Variants in KNDC1 observed in about 807,000 individuals in gnomAD.
KNDC1 encodes kinase non-catalytic C-lobe domain-containing protein 1.
In KNDC1, 106 loss-of-function variants were observed where a neutral mutation model predicts 172.8. The observed-to-expected ratio is 0.61, with a 90% CI of 0.52 to 0.72. The LOEUF (loss-of-function observed/expected upper bound fraction) is 0.72. Ranked by LOEUF, KNDC1 falls within the 30% of genes least tolerant of loss-of-function variation. KNDC1 has a pLI of 0.00. For synonymous variants in KNDC1, 1,083 were observed against 1,062.2 expected, an observed-to-expected ratio of 1.02 and a Z score of -0.38; for missense variants, 2,325 against 2,394.5, an observed-to-expected ratio of 0.97 and a Z score of 0.61.
intron 3 of KNDC1, chr10:133,179,429 C>T (rs72859872): frequency 0.044 from 6,632 of 152,298 alleles, 203 homozygotes; most frequent in Middle Eastern, 0.065. Flanking sequence ...GAATTGCTTC[C>T]CAGGGCCACG....
chr10:133,200,270 C>A, intron 15 of KNDC1, 105 bp from the exon 16 acceptor site: 1 of 808,188 alleles, frequency 1.2e-6, no homozygotes, highest in Non-Finnish European at 1.8e-6. Context: ...CCGCCTCCAG[C>A]GAGAGCTCCG....
chr10:133,182,428 C>T (rs1416161810), intron 3 of KNDC1, among the ~76,000 whole-genome samples: 1 of 143,318 alleles, frequency 7.0e-6, no homozygotes, highest in East Asian at 1.9e-4. Flanking sequence ...GGTGCGGGGG[C>T]AGAGCAGGCC....
chr10:133,210,527 C>T (rs923778858), intron 20 of KNDC1, 84 bp from the exon 21 acceptor site: 10 of 807,238 alleles, frequency 1.2e-5, no homozygotes, highest in Non-Finnish European at 2.0e-5. Flanking sequence ...CACACACATA[C>T]AGTCACACCC....
At position 133,211,742 on chromosome 10, in the gene KNDC1, C is replaced by T. The variant is rs1419517015; in HGVS notation, c.4120C>T (p.Arg1374Trp). 5.0e-6 allele frequency: 8 copies of T among 1,609,498 alleles called. No homozygotes were observed. The highest frequency in any genetic ancestry group is 6.8e-6 in the Non-Finnish European group (8 of 1,178,634). The change falls in exon 23 of 30, where the codon CGG becomes TGG. Residue 1374 changes from arginine (R) to tryptophan (W), a missense_variant. Coordinates refer to ENST00000304613, the MANE Select transcript of KNDC1 (RefSeq NM_152643.8). ...CCTCCTGGAGGTGGGCATGGACCGG[C>T]GGGCCGAGGGCAACCCTCGCGGCAC... ...LGLLEVGMDR[R>W]AEGNPRGTDL...
At position 133,167,590 on chromosome 10, in the gene KNDC1, G is replaced by A. The variant is rs771765519; in HGVS notation, c.301+11G>A. The A allele has an allele frequency of 1.4e-5, 22 of 1,566,462 alleles. No homozygotes were observed. The highest frequency in any genetic ancestry group is 4.1e-5 in the African/African-American group (3 of 72,966). On this transcript the variant is annotated intron_variant, in intron 2 of 29. Coordinates refer to ENST00000304613, the MANE Select transcript of KNDC1 (RefSeq NM_152643.8). ...TGGAGCAGCTCAGCGGTGAGGCGGC[G>A]GTGGCGGTGGCGGCGGCGGCGGGCA...
Position 133,186,377 on chromosome 10 carries a change from G to A in KNDC1, c.1029G>A (p.Lys343=), listed in dbSNP as rs1403711673. The A allele has an allele frequency of 1.2e-6, 2 of 1,612,770 alleles. No individual in the cohort carries two copies. Among genetic ancestry groups the A allele is most frequent in the Non-Finnish European group, 8.5e-7 (1 of 1,179,968 alleles). ...AATTATTCTCTCCGGACCCCAGGAA[G>A]GCCTTTCTGGACAGGAAAAATGGCC... is the stretch of plus-strand genomic sequence containing the variant. ...ISELFSPDPR[K]AFLDRKNGLS... is the part of the protein sequence containing the mutation. The change falls in exon 6 of 30, where the codon AAG becomes AAA. Residue 343 remains lysine (K), a synonymous_variant. Coordinates refer to ENST00000304613, the MANE Select transcript of KNDC1 (RefSeq NM_152643.8).
At chr10:133,207,733 G>A (rs1845244141) in intron 20 of KNDC1, among the ~76,000 whole-genome samples, 1 of 152,266 alleles carries the variant, frequency 6.6e-6, no homozygotes, top group Non-Finnish European at 1.5e-5. Flanking sequence ...TTAGCTCCAG[G>A]GACGGGTGAG....
intron 4 of KNDC1, 46 bp from the exon 5 acceptor site, chr10:133,183,826 T>C (rs1260456222): frequency 2.8e-6 from 4 of 1,423,300 alleles, no homozygotes; most frequent in Non-Finnish European, 3.8e-6. Flanking sequence ...CTGCGGGAGA[T>C]GGCCCCTCCT....
intron 23 of KNDC1, 89 bp from the exon 24 acceptor site, chr10:133,212,626 TG>T: frequency 8.9e-7 from 1 of 1,123,280 alleles, no homozygotes; most frequent in Non-Finnish European, 1.3e-6. Context: ...GCACCTGGCC[TG>T]GTCCTCACCC....
At chr10:133,172,964 C>T (rs991429494) in intron 3 of KNDC1, among the ~76,000 whole-genome samples, 2 of 152,212 alleles carry the variant, frequency 1.3e-5, no homozygotes, top group Non-Finnish European at 2.9e-5. Context: ...GATTACCCCA[C>T]TGCACTCCAG....
chr10:133,184,323 C>A lies in KNDC1; in HGVS notation c.625+334C>A, dbSNP rs112778082. Among the ~76,000 whole-genome samples the A allele has an allele frequency of 2.1e-3, 303 of 147,364 alleles. 17 individuals carry two copies. The highest frequency in any genetic ancestry group is 5.9e-3 in the African/African-American group (238 of 40,308). On this transcript the variant is annotated intron_variant, in intron 5 of 29. Transcript: ENST00000304613. The stretch of plus-strand genomic sequence containing the variant: ...ATGCACACACTGCACAACCCATGCA[C>A]ACACACCTATGCACATGTGCTGCAC...
chr10:133,200,402 C>T lies in KNDC1; in HGVS notation c.2931C>T (p.Leu977=), dbSNP rs571997275. The T allele has an allele frequency of 2.2e-5, 35 of 1,597,408 alleles. No individual in the cohort carries two copies. The highest frequency in any genetic ancestry group is 1.7e-4 in the Middle Eastern group (1 of 6,044). The change falls in exon 16 of 30, where the codon CTC becomes CTT. Residue 977 remains leucine (L), a synonymous_variant. Transcript: ENST00000304613. ...PSTAEEAGSQ[L]EGSQSPRSPS... ...CGGCCGAGGAGGCTGGGTCACAGCTCGAGGGCAGCCAAAGCCCCCGCTCCC... is the reference window on the plus strand; with the variant it reads ...CGGCCGAGGAGGCTGGGTCACAGCTTGAGGGCAGCCAAAGCCCCCGCTCCC...
intron 10 of KNDC1, among the ~76,000 whole-genome samples, chr10:133,196,105 C>G (rs1854184165): frequency 1.3e-5 from 2 of 152,206 alleles, no homozygotes; most frequent in African/African-American, 4.8e-5. Context: ...TCCAGCTTGT[C>G]CAAGAGGCCA....
chr10:133,219,993 G>C lies in KNDC1; in HGVS notation c.4899G>C (p.Gly1633=), dbSNP rs1261167036. ...LKSDSLCLME[G]RRFRAQPTLP... ...GCGACAGCCTGTGTCTGATGGAAGG[G>C]CGGCGCTTCCGGGCGCAGCCCACCC... is the stretch of plus-strand genomic sequence containing the variant. The change falls in exon 29 of 30, where the codon GGG becomes GGC. Residue 1633 remains glycine, a synonymous_variant. Coordinates refer to ENST00000304613, the MANE Select transcript of KNDC1 (RefSeq NM_152643.8). The C allele has an allele frequency of 3.2e-6, 5 of 1,553,352 alleles. No homozygotes were observed.
At chr10:133,175,905 GATGGATGGATGGGTGGGTGAATGC>G (rs1181381014) in intron 3 of KNDC1, among the ~76,000 whole-genome samples, 7 of 150,372 alleles carry the variant, frequency 4.7e-5, no homozygotes, top group African/African-American at 7.3e-5. Flanking sequence ...TGGGTGGATG[GATGGATGGATGGGTGGGTGAATGC>G]ATGGATGGAT....
In KNDC1 at chr10:133,224,776, C is replaced by G. The variant is rs144934475; in HGVS notation, c.5136C>G (p.Ala1712=). The G allele has an allele frequency of 6.2e-7, 1 of 1,614,048 alleles. No homozygotes were observed. Among genetic ancestry groups the G allele is most frequent in the Admixed American group, 1.7e-5 (1 of 60,018 alleles). ...LKQRIARFSG[A]DISTLAADSR... ...AGAGGATTGCCCGCTTCAGCGGTGC[C>G]GACATTTCCACACTCGCCGCAGATA... Residue 1712 remains alanine (A), a synonymous_variant, in exon 30 of 30, where the codon GCC becomes GCG. Transcript: ENST00000304613. This position sits in a 1 kb window ranked among gnomAD's most constrained non-coding sequence, Gnocchi z 5.4.
rs373183366 is a variant in KNDC1, at chr10:133,214,075, G to A, written c.4630G>A (p.Val1544Ile). 1.2e-4 allele frequency: 196 copies of A among 1,614,194 alleles called. No individual in the cohort carries two copies. In the East Asian group the frequency reaches 3.2e-3, roughly 26 times the overall value. Residue 1544 changes from valine (V) to isoleucine (I), a missense_variant, in exon 26 of 30, where the codon GTC becomes ATC. Coordinates refer to ENST00000304613, the MANE Select transcript of KNDC1 (RefSeq NM_152643.8). ...LLQLLRNADD[V>I]STWVAAEIVT... The stretch of plus-strand genomic sequence containing the variant: ...ACAGCTTCTAAGAAACGCAGATGAC[G>A]TCAGCACCTGGGTGGCTGCAGAGAT...
chr10:133,163,288 C>A lies in KNDC1; in HGVS notation c.102+2719C>A, dbSNP rs1464225389. Reference sequence around the variant, plus strand: ...TGAGAGGCAGGCAGCACTATCATCCCTCCCAGAGTTCAGCAACTGCCTCCC... The same window carrying A: ...TGAGAGGCAGGCAGCACTATCATCCATCCCAGAGTTCAGCAACTGCCTCCC... On this transcript the variant is annotated intron_variant, in intron 1 of 29. Coordinates refer to ENST00000304613, the MANE Select transcript of KNDC1 (RefSeq NM_152643.8). The surrounding 1 kb of genome is among the most constrained non-coding windows in gnomAD (Gnocchi z 4.4). 6.6e-6 allele frequency among the ~76,000 whole-genome samples: 1 copy of A among 152,188 alleles called. No individual in the cohort carries two copies. The highest frequency in any genetic ancestry group is 1.5e-5 in the Non-Finnish European group (1 of 68,036).
At chr10:133,201,930 G>A (rs753595355) in intron 17 of KNDC1, 32 bp downstream of exon 17, 23 of 1,521,512 alleles carry the variant, frequency 1.5e-5, no homozygotes, top group Non-Finnish European at 2.0e-5. Context: ...TGCCGGGTGG[G>A]GCAGGGCGTC....
Sources: allele counts gnomAD v4.1 joint callset (sites outside exome capture counted in the v4.1 genomes callset), GRCh38; gene constraint gnomAD v4.1.1; non-coding constraint Gnocchi (gnomAD v3.1); transcripts MANE v1.5; gene names NCBI Gene and HGNC (gene_info 2026-07-23, HGNC 2026-07-21).